Variants in SERHL2 observed in about 807,000 individuals in gnomAD.
SERHL2 encodes the protein serine hydrolase-like protein 2.
A neutral mutation model predicts 25.5 loss-of-function variants in SERHL2; 29 were observed. The observed-to-expected ratio is 1.14, with a 90% CI of 0.85 to 1.55. The LOEUF is 1.55. SERHL2 is among the 40% of genes most tolerant of loss of function. SERHL2 has a pLI of 0.00. For missense variants in SERHL2, 240 were observed against 252.3 expected (o/e 0.95, Z 0.33); for synonymous variants, 95 against 103.5 (o/e 0.92, Z 0.50).
At chr22:42,566,022 G>A (rs1348177938) in intron 8 of SERHL2, among the ~76,000 whole-genome samples, 3 of 152,028 alleles carry the variant, frequency 2.0e-5, no homozygotes, top group Admixed American at 6.6e-5. Context: ...CACCGTCCAC[G>A]AGGCTATTAG....
intron 8 of SERHL2, among the ~76,000 whole-genome samples, chr22:42,564,169 G>A (rs1158454279): frequency 1.3e-5 from 2 of 151,524 alleles, no homozygotes; most frequent in Non-Finnish European, 2.9e-5. Flanking sequence ...ATTATTTTGG[G>A]TCTAGCACTA....
At chr22:42,567,374 C>T (rs1448408555) in intron 9 of SERHL2, among the ~76,000 whole-genome samples, 1 of 151,816 alleles carries the variant, frequency 6.6e-6, no homozygotes, top group African/African-American at 2.4e-5. Flanking sequence ...TTTAAAAGTT[C>T]GATTTTTCGG....
Position 42,571,162 on chromosome 22 carries a change from G to C in SERHL2, c.690G>C (p.Ala230=), listed in dbSNP as rs370135861. The C allele has an allele frequency of 2.3e-4, 364 of 1,613,328 alleles. 2 individuals are homozygous for C. Among genetic ancestry groups the C allele is most frequent in the Non-Finnish European group, 2.9e-4 (342 of 1,179,660 alleles). ...ACTTCATCAGCAGGGAGCTGTGTGC[G>C]CATTCCATCAGGAAGCTGCAGGCCC... ...SIDFISRELC[A]HSIRKLQAHV... The change falls in exon 10 of 12, where the codon GCG becomes GCC. Residue 230 remains alanine (A), a synonymous_variant. Transcript: ENST00000327678.
intron 9 of SERHL2, among the ~76,000 whole-genome samples, chr22:42,570,789 TA>T (rs1318177941): frequency 2.0e-5 from 3 of 152,050 alleles, no homozygotes; most frequent in African/African-American, 7.2e-5. Flanking sequence ...ACCTAAGTCC[TA>T]AAATCCAGGC....
intron 7 of SERHL2, among the ~76,000 whole-genome samples, chr22:42,559,379 C>T (rs137015): frequency 2.6e-5 from 4 of 151,406 alleles, no homozygotes; most frequent in Admixed American, 2.0e-4. Flanking sequence ...GCACTCCAGT[C>T]TGGGTGACAA....
rs149782738 is a variant in SERHL2, at chr22:42,568,305, G to A, written c.648+1967G>A. ...CCCAAAGTACTGGGATTACAGGTGT[G>A]AGCCACTGCAGCCAGCCATTGTAAT... On this transcript the variant is annotated intron_variant, in intron 9 of 11. Transcript: ENST00000327678. 9.9e-3 allele frequency among the ~76,000 whole-genome samples: 1,499 copies of A among 151,022 alleles called. 24 individuals carry two copies. Among genetic ancestry groups the A allele is most frequent in the Non-Finnish European group, 0.014 (977 of 67,674 alleles).
In SERHL2 at chr22:42,560,267, T is replaced by A. The variant is rs139695066; in HGVS notation, c.613+2T>A. On this transcript the variant is annotated splice_donor_variant, in intron 8 of 11. Coordinates refer to ENST00000327678, the MANE Select transcript of SERHL2 (RefSeq NM_014509.5). LOFTEE classifies it high-confidence loss of function. The stretch of plus-strand genomic sequence containing the variant: ...GAGGAACCACGAAGGTGGCCACAGG[T>A]AAGGGACTCTACTGTCCAAGGCCAT... 9.8e-4 allele frequency: 1,574 copies of A among 1,602,694 alleles called. 14 individuals are homozygous for A. The African/African-American group carries it at 0.017, about 17-fold the overall frequency.
At chr22:42,563,275 C>T (rs894199115) in intron 8 of SERHL2, 1 of 199,048 alleles carries the variant, frequency 5.0e-6, no homozygotes, top group South Asian at 5.5e-5. Context: ...GTGACCATGG[C>T]TCACTGCAGC....
intron 5 of SERHL2, 176 bp from the exon 6 acceptor site, chr22:42,556,338 C>G: frequency 1.9e-6 from 1 of 538,242 alleles, no homozygotes. Context: ...TGGGTGCAGA[C>G]TTAGGGGTGG....
In SERHL2 at chr22:42,572,651, C is replaced by T. The variant is rs1345007185; in HGVS notation, c.825+122C>T. ...TGCCCCCAGGCCCAACAAGTGACCA[C>T]CAGGATCTATCAGGCCTCATGCTCC... On this transcript the variant is annotated intron_variant, in intron 11 of 11. Transcript: ENST00000327678. 6 of 1,452,800 alleles carry T rather than the reference C, an allele frequency of 4.1e-6. No individual in the cohort carries two copies. In the African/African-American group the frequency reaches 7.1e-5, roughly 17 times the overall value. 90.0% of individuals were successfully genotyped at this position (1,452,800 alleles called of 1,614,324 possible). A position where few individuals can be genotyped will look rare whatever the true frequency, so the allele number is the denominator to read the frequency against.
chr22:42,560,789 G>A (rs1440548855), intron 8 of SERHL2, among the ~76,000 whole-genome samples: 3 of 151,922 alleles, frequency 2.0e-5, no homozygotes, highest in African/African-American at 7.2e-5. Flanking sequence ...AGGCTGGAGT[G>A]CGGTGGCACC....
chr22:42,562,353 C>G (rs1922791277), intron 8 of SERHL2, among the ~76,000 whole-genome samples: 1 of 151,904 alleles, frequency 6.6e-6, no homozygotes, highest in Non-Finnish European at 1.5e-5. Flanking sequence ...ACAACCAAGA[C>G]ACATTCCCCC....
chr22:42,570,079 A>G (rs184356435), intron 9 of SERHL2: 7 of 152,200 alleles, frequency 4.6e-5, no homozygotes, highest in Admixed American at 6.6e-5. Flanking sequence ...GCACAGTGCA[A>G]TGGAAGCAAA....
chr22:42,572,792 G>A lies in SERHL2; in HGVS notation c.825+263G>A, dbSNP rs562956049. ...CTACTCTCGTGCCTCAGCCTCCTGAGTAGCTGGGATTACAGGCACCTGCCA... is the reference window on the plus strand; with the variant it reads ...CTACTCTCGTGCCTCAGCCTCCTGAATAGCTGGGATTACAGGCACCTGCCA... On this transcript the variant is annotated intron_variant, in intron 11 of 11. Transcript: ENST00000327678. 49 of 877,028 alleles carry A rather than the reference G, an allele frequency of 5.6e-5. No homozygotes were observed. In the African/African-American group the frequency reaches 7.6e-4, roughly 14 times the overall value. The allele number at this position is 877,028 out of a possible 1,614,324, so 54.3% of individuals were successfully genotyped here.
At chr22:42,566,871 C>T (rs1406269638) in intron 9 of SERHL2, among the ~76,000 whole-genome samples, 2 of 152,384 alleles carry the variant, frequency 1.3e-5, no homozygotes, top group Admixed American at 6.5e-5. Context: ...GAAACTTGGC[C>T]ATCTCTGCCA....
Position 42,574,178 on chromosome 22 carries a change from C to G in SERHL2, c.*123C>G. The stretch of plus-strand genomic sequence containing the variant: ...GGCCTCACTAGTCTTGAGGCCCAGC[C>G]TAGGATGGTAGTCAGGGGAAGGAGC... On this transcript the variant is annotated 3_prime_UTR_variant, in exon 12 of 12. Coordinates refer to ENST00000327678, the MANE Select transcript of SERHL2 (RefSeq NM_014509.5). The G allele has an allele frequency of 1.2e-6, 1 of 829,338 alleles. No homozygotes were observed. The allele number at this position is 829,338 out of a possible 1,614,324, so 51.4% of individuals were successfully genotyped here.
intron 7 of SERHL2, among the ~76,000 whole-genome samples, chr22:42,559,507 A>C (rs117386487): frequency 0.028 from 4,245 of 151,758 alleles, 122 homozygotes; most frequent in Middle Eastern, 0.099. Context: ...TGAGAACATC[A>C]TGGCTAAGAT....
chr22:42,570,350 G>A (rs542322019), intron 9 of SERHL2, among the ~76,000 whole-genome samples: 32 of 152,078 alleles, frequency 2.1e-4, no homozygotes, highest in African/African-American at 7.2e-4. Flanking sequence ...CCAGGAGGCG[G>A]GAGGTTGCGG....
chr22:42,566,756 G>T (rs1388941632), intron 9 of SERHL2, among the ~76,000 whole-genome samples: 1 of 152,082 alleles, frequency 6.6e-6, no homozygotes, highest in Non-Finnish European at 1.5e-5. Context: ...GGGGATTCCT[G>T]ATAGAGGCTG....
Sources: allele counts gnomAD v4.1 joint callset (sites outside exome capture counted in the v4.1 genomes callset), GRCh38; gene constraint gnomAD v4.1.1; transcripts MANE v1.5; gene names NCBI Gene and HGNC (gene_info 2026-07-23, HGNC 2026-07-21).